CDYL2: variants seen among roughly 807,000 people sequenced by gnomAD.
CDYL2 encodes chromodomain Y like 2, also known as chromodomain Y-like protein 2.
CDYL2 carries 23 observed loss-of-function variants against 49.4 expected under a neutral mutation model. The observed-to-expected ratio is 0.47, with a 90% CI of 0.34 to 0.66. The LOEUF is 0.66. CDYL2 is among the 30% of genes least tolerant of loss of function. CDYL2 has a pLI of 0.01. For missense variants in CDYL2, 678 were observed against 656.4 expected (o/e 1.03, Z -0.36); for synonymous variants, 360 against 268.8 (o/e 1.34, Z -3.32).
chr16:80,748,493 A>G (rs1235104792), intron 1 of CDYL2, among the ~76,000 whole-genome samples: 1 of 120,842 alleles, frequency 8.3e-6, no homozygotes, highest in African/African-American at 3.1e-5. Context: ...TGGGCGACAG[A>G]GCAAAACTCC....
intron 1 of CDYL2, among the ~76,000 whole-genome samples, chr16:80,798,864 T>A (rs1270658886): frequency 1.3e-5 from 2 of 152,186 alleles, no homozygotes; most frequent in Non-Finnish European, 2.9e-5. Flanking sequence ...ATATTTATAA[T>A]GGTTTACAAA....
chr16:80,741,875 C>A (rs527546133), intron 1 of CDYL2, among the ~76,000 whole-genome samples: 1 of 152,290 alleles, frequency 6.6e-6, no homozygotes, highest in African/African-American at 2.4e-5. Flanking sequence ...AATTTGGCAA[C>A]GCCCATGAAA....
chr16:80,784,684 A>T (rs539017309), intron 1 of CDYL2, among the ~76,000 whole-genome samples: 14 of 152,314 alleles, frequency 9.2e-5, no homozygotes, highest in African/African-American at 3.4e-4. Context: ...AACACCTCTT[A>T]TGCTCTAGGT....
rs546255500 is a variant in CDYL2 at position 80,766,828 on chromosome 16, G to A, written c.24+37322C>T. Among the ~76,000 whole-genome samples the A allele has an allele frequency of 3.9e-5, 6 of 152,226 alleles. No homozygotes were observed. The East Asian group carries it at 7.7e-4, about 20-fold the overall frequency. On this transcript the variant is annotated intron_variant, in intron 1 of 6. Coordinates refer to ENST00000570137, the MANE Select transcript of CDYL2 (RefSeq NM_152342.4). Reference sequence around the variant, plus strand: ...CATTTAAAAGGAAGAAAGAAGTGTCGGCCACACAATCCTTGCAGGTGTAAA... The same window carrying A: ...CATTTAAAAGGAAGAAAGAAGTGTCAGCCACACAATCCTTGCAGGTGTAAA...
chr16:80,636,652 C>G (rs1421988798), intron 2 of CDYL2, among the ~76,000 whole-genome samples: 1 of 152,154 alleles, frequency 6.6e-6, no homozygotes, highest in Non-Finnish European at 1.5e-5. Flanking sequence ...GTGGCGATTC[C>G]TCAAGGATCT....
In CDYL2 at chr16:80,671,293, TG is replaced by T. The variant is rs375217478; in HGVS notation, c.616+13244del. Among the ~76,000 whole-genome samples, 19 of 152,178 alleles carry T rather than the reference TG, an allele frequency of 1.2e-4. No homozygotes were observed. The East Asian group carries it at 3.7e-3, about 29-fold the overall frequency. On this transcript the variant is annotated intron_variant, in intron 2 of 6. Coordinates refer to ENST00000570137, the MANE Select transcript of CDYL2 (RefSeq NM_152342.4). ...CGGACAAGCCAGAGGAAGGCCAGAG[TG>T]GCTGACATAGGGGCCAGAACCAGAT...
In CDYL2 at chr16:80,608,268, C is replaced by T. The variant is rs1336036460; in HGVS notation, c.1219-33G>A. On this transcript the variant is annotated intron_variant, in intron 5 of 6. Coordinates refer to ENST00000570137, the MANE Select transcript of CDYL2 (RefSeq NM_152342.4). Reference sequence around the variant, plus strand: ...AGCAAAAGCAGGCAAAGACTGAGGGCCTGGAGGTCCACCCATGTCCCTCAG... The same window carrying T: ...AGCAAAAGCAGGCAAAGACTGAGGGTCTGGAGGTCCACCCATGTCCCTCAG... The T allele has an allele frequency of 2.0e-6, 3 of 1,530,088 alleles. No homozygotes were observed. In the East Asian group the frequency reaches 7.4e-5, roughly 38 times the overall value. 94.8% of individuals were successfully genotyped at this position (1,530,088 alleles called of 1,614,324 possible).
At chr16:80,660,699 A>C (rs1258137442) in intron 2 of CDYL2, among the ~76,000 whole-genome samples, 1 of 152,214 alleles carries the variant, frequency 6.6e-6, no homozygotes, top group African/African-American at 2.4e-5. Context: ...TGGATAAAAT[A>C]ATAAAGATGT....
intron 3 of CDYL2, among the ~76,000 whole-genome samples, chr16:80,625,387 T>A (rs1205564918): frequency 6.6e-6 from 1 of 152,218 alleles, no homozygotes; most frequent in African/African-American, 2.4e-5. Context: ...CTCATCTACA[T>A]TTAAAGACCC....
chr16:80,724,568 T>A (rs1233870925), intron 1 of CDYL2, among the ~76,000 whole-genome samples: 1 of 152,164 alleles, frequency 6.6e-6, no homozygotes, highest in Non-Finnish European at 1.5e-5. Flanking sequence ...ATGACACACA[T>A]GTGGCACTTC....
At chr16:80,700,216 A>T (rs886774042) in intron 1 of CDYL2, among the ~76,000 whole-genome samples, 1 of 152,262 alleles carries the variant, frequency 6.6e-6, no homozygotes, top group Admixed American at 6.5e-5. Context: ...GCAAAATTCC[A>T]GATAAATTAG....
At chr16:80,643,352 G>T (rs1310053644) in intron 2 of CDYL2, among the ~76,000 whole-genome samples, 1 of 152,194 alleles carries the variant, frequency 6.6e-6, no homozygotes, top group Non-Finnish European at 1.5e-5. Context: ...TGCTTTCATG[G>T]GTTGGCATTG....
At chr16:80,628,621 G>A (rs1468325694) in intron 3 of CDYL2, among the ~76,000 whole-genome samples, 1 of 152,134 alleles carries the variant, frequency 6.6e-6, no homozygotes, top group Non-Finnish European at 1.5e-5. Context: ...GCAATTATGA[G>A]ACAATAAACG....
At chr16:80,730,524 C>T (rs994983209) in intron 1 of CDYL2, among the ~76,000 whole-genome samples, 10 of 151,926 alleles carry the variant, frequency 6.6e-5, no homozygotes, top group African/African-American at 2.2e-4. Flanking sequence ...ACCAGAGGTA[C>T]AAGGAGGAAC....
intron 2 of CDYL2, among the ~76,000 whole-genome samples, chr16:80,661,714 G>T (rs1023710336): frequency 2.0e-5 from 3 of 152,132 alleles, no homozygotes; most frequent in Non-Finnish European, 2.9e-5. Context: ...GCTGAACAAA[G>T]GAGGAAAGAA....
intron 2 of CDYL2, among the ~76,000 whole-genome samples, chr16:80,659,578 T>C (rs1181591024): frequency 6.6e-6 from 1 of 151,976 alleles, no homozygotes; most frequent in Non-Finnish European, 1.5e-5. Context: ...AAGAACAATT[T>C]GTATATAGTT....
intron 2 of CDYL2, among the ~76,000 whole-genome samples, chr16:80,671,636 C>G (rs994873856): frequency 6.6e-6 from 1 of 152,200 alleles, no homozygotes; most frequent in Non-Finnish European, 1.5e-5. Flanking sequence ...GAGGAAGTTA[C>G]AAAGAGTACT....
chr16:80,692,212 G>C (rs1407917266), intron 1 of CDYL2, among the ~76,000 whole-genome samples: 2 of 152,168 alleles, frequency 1.3e-5, no homozygotes, highest in Admixed American at 6.5e-5. Flanking sequence ...GAGAGTTTGA[G>C]AATAGATCAA....
chr16:80,655,897 G>A (rs1908788412), intron 2 of CDYL2, among the ~76,000 whole-genome samples: 1 of 152,138 alleles, frequency 6.6e-6, no homozygotes, highest in South Asian at 2.1e-4. Context: ...CTTCCCGAGT[G>A]ACAGCAACAA....
Sources: allele counts gnomAD v4.1 joint callset (sites outside exome capture counted in the v4.1 genomes callset), GRCh38; gene constraint gnomAD v4.1.1; transcripts MANE v1.5; gene names NCBI Gene and HGNC (gene_info 2026-07-23, HGNC 2026-07-21).